The following MACROD2 variants were observed in gnomAD, a reference collection of about 807,000 sequenced individuals.
MACROD2 encodes ADP-ribose glycohydrolase MACROD2.
A neutral mutation model predicts 70.4 loss-of-function variants in MACROD2; 36 were observed. The ratio of observed to expected loss-of-function variants is 0.51; its 90% CI spans 0.39 to 0.68. The LOEUF (loss-of-function observed/expected upper bound fraction) is 0.68, where lower values mean the gene tolerates loss of function less well. Among genes scored for constraint, MACROD2 ranks in the 30% least tolerant of loss-of-function variants. MACROD2 has a pLI of 0.00. For synonymous variants in MACROD2, 172 were observed against 178.8 expected, an observed-to-expected ratio of 0.96 and a Z score of 0.30; for missense variants, 496 against 538.4, an observed-to-expected ratio of 0.92 and a Z score of 0.78.
At chr20:14,457,990 A>T (rs538494222) in intron 3 of MACROD2, among the ~76,000 whole-genome samples, 1 of 152,074 alleles carries the variant, frequency 6.6e-6, no homozygotes, top group South Asian at 2.1e-4. Context: ...AATCCCAGCT[A>T]CTTGGGAGGC....
At chr20:14,185,178 A>G (rs2081335046) in intron 3 of MACROD2, among the ~76,000 whole-genome samples, 1 of 152,104 alleles carries the variant, frequency 6.6e-6, no homozygotes, top group African/African-American at 2.4e-5. Flanking sequence ...CCCCCTTTTT[A>G]TGAGGGAGAC....
intron 7 of MACROD2, among the ~76,000 whole-genome samples, chr20:15,481,223 G>C (rs1444084184): frequency 2.0e-5 from 3 of 152,176 alleles, no homozygotes; most frequent in African/African-American, 7.2e-5. Flanking sequence ...TAACATTATG[G>C]TCTGGGTTTA....
chr20:15,306,287 A>G (rs2077696950), intron 6 of MACROD2, among the ~76,000 whole-genome samples: 1 of 152,184 alleles, frequency 6.6e-6, no homozygotes, highest in South Asian at 2.1e-4. Context: ...TCTGTAGTTT[A>G]CTTTTTCCTA....
At position 14,212,993 on chromosome 20, in the gene MACROD2, G is replaced by A. The variant is rs530412246; in HGVS notation, c.271+127265G>A. Among the ~76,000 whole-genome samples, 8 of 151,814 alleles carry A rather than the reference G, an allele frequency of 5.3e-5. No homozygotes were observed. The South Asian group carries it at 8.4e-4, about 16-fold the overall frequency. ...AAAGGCTGTTGTCAGTATACATCAC[G>A]CAACAACAGAATGAGTGTGGGGTAG... On this transcript the variant is annotated intron_variant, in intron 3 of 17. Coordinates refer to ENST00000684519, the MANE Select transcript of MACROD2 (RefSeq NM_001351661.2).
At position 14,325,974 on chromosome 20, in the gene MACROD2, G is replaced by A. The variant is rs771327059; in HGVS notation, c.272-167505G>A. On this transcript the variant is annotated intron_variant, in intron 3 of 17. Coordinates refer to ENST00000684519, the MANE Select transcript of MACROD2 (RefSeq NM_001351661.2). ...CTTTCTCTTGCTCTCGATTGAGGGT[G>A]GTTGTAGGGTTGTACATTCGAAGGG... 11 of 1,613,886 alleles carry A rather than the reference G, an allele frequency of 6.8e-6. No homozygotes were observed. The South Asian group carries it at 1.1e-4, about 16-fold the overall frequency.
At chr20:15,604,038 T>C (rs1173403510) in intron 8 of MACROD2, among the ~76,000 whole-genome samples, 2 of 152,210 alleles carry the variant, frequency 1.3e-5, no homozygotes, top group Non-Finnish European at 2.9e-5. Context: ...CAACTGCTTT[T>C]TATGATGTCC....
intron 5 of MACROD2, among the ~76,000 whole-genome samples, chr20:14,944,515 T>C (rs2074414498): frequency 6.6e-6 from 1 of 152,150 alleles, no homozygotes. Context: ...TTGTCTGCTG[T>C]CAATTTGACA....
chr20:14,973,379 C>T (rs1387175497), intron 5 of MACROD2, among the ~76,000 whole-genome samples: 1 of 151,810 alleles, frequency 6.6e-6, no homozygotes, highest in African/African-American at 2.4e-5. Context: ...CGTGCCTCCA[C>T]ACCTGGCTAA....
chr20:15,407,711 CTATT>C (rs1363031464), intron 6 of MACROD2, among the ~76,000 whole-genome samples: 1 of 152,160 alleles, frequency 6.6e-6, no homozygotes, highest in African/African-American at 2.4e-5. Context: ...ATAAGAGTAC[CTATT>C]TGATGGGCTT....
intron 15 of MACROD2, among the ~76,000 whole-genome samples, chr20:16,024,522 C>G (rs1466281128): frequency 9.1e-5 from 13 of 142,200 alleles, no homozygotes; most frequent in South Asian, 7.3e-4. Flanking sequence ...CAGACACACA[C>G]ACACACAGAC....
intron 9 of MACROD2, among the ~76,000 whole-genome samples, chr20:15,872,212 G>A (rs1174182006): frequency 6.6e-6 from 1 of 152,096 alleles, no homozygotes; most frequent in Non-Finnish European, 1.5e-5. Context: ...ATATCCACAT[G>A]TCCTCTTTCC....
chr20:15,259,350 G>C (rs74878657), intron 6 of MACROD2, among the ~76,000 whole-genome samples: 32 of 152,016 alleles, frequency 2.1e-4, no homozygotes, highest in Middle Eastern at 6.8e-3. Flanking sequence ...GACAAAATGT[G>C]GGGGGAGCTG....
intron 6 of MACROD2, among the ~76,000 whole-genome samples, chr20:15,295,696 C>G (rs1199861616): frequency 6.6e-6 from 1 of 152,026 alleles, no homozygotes; most frequent in African/African-American, 2.4e-5. Context: ...AGCCACCACT[C>G]ACACCCCCCA....
chr20:14,508,347 G>A (rs984096638), intron 4 of MACROD2, among the ~76,000 whole-genome samples: 7 of 147,206 alleles, frequency 4.8e-5, no homozygotes, highest in African/African-American at 7.6e-5. Flanking sequence ...CTTTTCTTTC[G>A]GCTCTAGGCA....
intron 8 of MACROD2, among the ~76,000 whole-genome samples, chr20:15,631,216 G>A (rs73900027): frequency 0.01 from 1,540 of 152,222 alleles, 36 homozygotes; most frequent in African/African-American, 0.036. Context: ...AGGACAGCAC[G>A]GTCTCTTTCA....
At position 15,479,733 on chromosome 20, in the gene MACROD2, G is replaced by A. The variant is rs1322806007; in HGVS notation, c.572-20041G>A. On this transcript the variant is annotated intron_variant, in intron 7 of 17. Transcript: ENST00000684519. ...AACATATTTACGATAAAGGCTGAGT[G>A]CCTGTTCCTTAAGAGAAACCTGCAG... Among the ~76,000 whole-genome samples, 3 of 152,286 alleles carry A rather than the reference G, an allele frequency of 2.0e-5. 1 individual carries two copies. In the East Asian group the frequency reaches 5.8e-4, roughly 29 times the overall value.
intron 8 of MACROD2, among the ~76,000 whole-genome samples, chr20:15,826,400 T>A (rs540671676): frequency 2.6e-5 from 4 of 152,310 alleles, no homozygotes; most frequent in Non-Finnish European, 4.4e-5. Context: ...TGCCAGACTC[T>A]CAAGAACTTG....
intron 4 of MACROD2, among the ~76,000 whole-genome samples, chr20:14,619,504 G>A (rs1983701461): frequency 8.6e-6 from 1 of 116,290 alleles, no homozygotes; most frequent in African/African-American, 3.3e-5. Flanking sequence ...GGGGAGGAAG[G>A]AAGGAGGAAA....
rs545446466 is a variant in MACROD2 at position 14,036,943 on chromosome 20, C to T, written c.163+34539C>T. Among the ~76,000 whole-genome samples the T allele has an allele frequency of 2.3e-4, 35 of 152,224 alleles. No individual in the cohort carries two copies. In the South Asian group the frequency reaches 6.8e-3, roughly 30 times the overall value. Reference sequence around the variant, plus strand: ...ATTAGTTTTTAATTTACTAATCCAGCGTTTTGTGGTAAAGTTACAATTTTA... The same window carrying T: ...ATTAGTTTTTAATTTACTAATCCAGTGTTTTGTGGTAAAGTTACAATTTTA... On this transcript the variant is annotated intron_variant, in intron 2 of 17. Transcript: ENST00000684519.
Sources: allele counts gnomAD v4.1 joint callset (sites outside exome capture counted in the v4.1 genomes callset), GRCh38; gene constraint gnomAD v4.1.1; transcripts MANE v1.5; gene names NCBI Gene and HGNC (gene_info 2026-07-23, HGNC 2026-07-21).